Variants in EIF2AK3 observed in about 807,000 individuals in gnomAD.
EIF2AK3 encodes eukaryotic translation initiation factor 2 alpha kinase 3.
EIF2AK3 carries 50 observed loss-of-function variants against 113.5 expected under a neutral mutation model. The observed-to-expected ratio is 0.44, with a 90% confidence interval of 0.35 to 0.56. The LOEUF (loss-of-function observed/expected upper bound fraction) is 0.56. EIF2AK3 is among the 20% of genes least tolerant of loss of function. The pLI is 0.00. For synonymous variants in EIF2AK3, 448 were observed against 495.4 expected (o/e 0.90, Z 1.27); for missense variants, 1,185 against 1,378.0 (o/e 0.86, Z 2.22).
At position 88,613,817 on chromosome 2, in the gene EIF2AK3, A is replaced by G; in HGVS notation, c.345T>C (p.Ile115=). 6.2e-7 allele frequency: 1 copy of G among 1,613,826 alleles called. No individual in the cohort carries two copies. Among genetic ancestry groups the G allele is most frequent in the Non-Finnish European group, 8.5e-7 (1 of 1,179,682 alleles). Residue 115 remains isoleucine, a synonymous_variant, in exon 2 of 17, where the codon ATT becomes ATC. Transcript: ENST00000303236. ...LVIISTLDGR[I]AALDPENHGK... The stretch of plus-strand genomic sequence containing the variant: ...CATGATTTTCAGGATCCAAGGCAGC[A>G]ATTCTCCCATCTAAAGTGCTGATAA...
At chr2:88,561,856 C>T (rs1330380332) in intron 15 of EIF2AK3, among the ~76,000 whole-genome samples, 4 of 151,306 alleles carry the variant, frequency 2.6e-5, no homozygotes, top group Admixed American at 2.6e-4. Context: ...AAGACCTTGC[C>T]TTGAGAAAAA....
chr2:88,607,315 A>G (rs1675300977), intron 2 of EIF2AK3, among the ~76,000 whole-genome samples: 1 of 152,354 alleles, frequency 6.6e-6, no homozygotes, highest in East Asian at 1.9e-4. Context: ...TTACTAGAGG[A>G]AAGCAAATCA....
chr2:88,559,536 G>GTT (rs1673881752), intron 15 of EIF2AK3, among the ~76,000 whole-genome samples: 1 of 151,430 alleles, frequency 6.6e-6, no homozygotes, highest in Non-Finnish European at 1.5e-5. Context: ...GTGTGTGTGT[G>GTT]TGTGTGTATG....
intron 2 of EIF2AK3, among the ~76,000 whole-genome samples, chr2:88,605,894 A>C (rs1675259574): frequency 6.6e-6 from 1 of 152,176 alleles, no homozygotes. Context: ...ATCATACCTG[A>C]AAGACAAGGG....
At chr2:88,612,604 G>T (rs1675483398) in intron 2 of EIF2AK3, among the ~76,000 whole-genome samples, 1 of 152,162 alleles carries the variant, frequency 6.6e-6, no homozygotes, top group Non-Finnish European at 1.5e-5. Flanking sequence ...TGGAAATTTG[G>T]CAGTGTTGTT....
Position 88,590,860 on chromosome 2 carries a change from C to T in EIF2AK3, c.960G>A (p.Met320Ile). The T allele has an allele frequency of 6.2e-7, 1 of 1,614,060 alleles. No individual in the cohort carries two copies. Among genetic ancestry groups the T allele is most frequent in the Non-Finnish European group, 8.5e-7 (1 of 1,179,992 alleles). Residue 320 changes from methionine to isoleucine, a missense_variant, in exon 5 of 17, where the codon ATG becomes ATA. By Grantham distance (10) the Met-to-Ile change is conservative. This residue lies in a region of EIF2AK3 where 877 missense variants were observed against 1,024.2 expected (regional missense o/e 0.86). Coordinates refer to ENST00000303236, the MANE Select transcript of EIF2AK3 (RefSeq NM_004836.7). ...IKVSVADWKV[M>I]AFSKKGGHLE... ...GATGTCCTCCCTTCTTACTGAATGC[C>T]ATAACTTTCCAGTCAGCAACCGAAA... is the stretch of plus-strand genomic sequence containing the variant.
Position 88,571,971 on chromosome 2 carries a change from G to A in EIF2AK3, c.2818-930C>T, listed in dbSNP as rs761538327. Among the ~76,000 whole-genome samples the A allele has an allele frequency of 4.6e-5, 7 of 152,160 alleles. No individual in the cohort carries two copies. In the Middle Eastern group the frequency reaches 0.021, roughly 447 times the overall value. On this transcript the variant is annotated intron_variant, in intron 13 of 16. Coordinates refer to ENST00000303236, the MANE Select transcript of EIF2AK3 (RefSeq NM_004836.7). The stretch of plus-strand genomic sequence containing the variant: ...TCCCTCAGAGTCTACTCTACTCTGC[G>A]GGTAATATGACCACCATTCATAGCC...
intron 9 of EIF2AK3, among the ~76,000 whole-genome samples, chr2:88,585,489 G>C (rs1189868063): frequency 6.6e-6 from 1 of 152,078 alleles, no homozygotes; most frequent in Non-Finnish European, 1.5e-5. Context: ...GAGTTTGTGG[G>C]ATGAACAGTG....
At chr2:88,558,315 A>T (rs1480153749) in intron 16 of EIF2AK3, among the ~76,000 whole-genome samples, 1 of 152,232 alleles carries the variant, frequency 6.6e-6, no homozygotes, top group Non-Finnish European at 1.5e-5. Context: ...TATGATTTTT[A>T]AAAATCATCT....
chr2:88,563,124 A>C (rs1259878950), intron 14 of EIF2AK3, among the ~76,000 whole-genome samples: 1 of 152,216 alleles, frequency 6.6e-6, no homozygotes, highest in South Asian at 2.1e-4. Flanking sequence ...ATTTGTGAAA[A>C]TTTCTTTAGA....
At position 88,595,520 on chromosome 2, in the gene EIF2AK3, C is replaced by T. The variant is rs768552211; in HGVS notation, c.582G>A (p.Leu194=). ...ATGTAGTCAGAGATTTTCCTCCAAC[C>T]AAAACAACATCATCTCCAAATTTAT... ...SSYKFGDDVV[L]VGGKSLTTYG... The change falls in exon 3 of 17, where the codon TTG becomes TTA. Residue 194 remains leucine, a synonymous_variant. Transcript: ENST00000303236. The T allele has an allele frequency of 1.9e-6, 3 of 1,613,872 alleles. No individual in the cohort carries two copies. Among genetic ancestry groups the T allele is most frequent in the Non-Finnish European group, 2.5e-6 (3 of 1,180,002 alleles).
intron 2 of EIF2AK3, among the ~76,000 whole-genome samples, chr2:88,605,062 C>T (rs1013873112): frequency 2.0e-5 from 3 of 151,976 alleles, no homozygotes; most frequent in African/African-American, 7.3e-5. Flanking sequence ...ATGTAAATGA[C>T]TAAGAATAGA....
At chr2:88,626,922 C>T in intron 1 of EIF2AK3, 45 bp downstream of exon 1, 1 of 1,601,504 alleles carries the variant, frequency 6.2e-7, no homozygotes, top group Non-Finnish European at 8.5e-7. Context: ...CTCCGCGGCT[C>T]GCGCGCGTAA....
At chr2:88,599,700 G>C (rs1201760713) in intron 2 of EIF2AK3, among the ~76,000 whole-genome samples, 2 of 152,116 alleles carry the variant, frequency 1.3e-5, no homozygotes, top group African/African-American at 2.4e-5. Context: ...AGTTAAGTGT[G>C]TCTGCAGTAA....
Position 88,593,147 on chromosome 2 carries a change from A to T in EIF2AK3, c.767+125T>A, listed in dbSNP as rs532581251. 522 of 1,110,278 alleles carry T rather than the reference A, an allele frequency of 4.7e-4. 2 individuals are homozygous for T. The highest frequency in any genetic ancestry group is 3.7e-3 in the South Asian group (245 of 65,384). 68.8% of individuals were successfully genotyped at this position (1,110,278 alleles called of 1,614,324 possible). Reference sequence around the variant, plus strand: ...ACAGAGCAAGACTCCGTATCAAAAAAATATATATATATATGCTTTTAAGGC... The same window carrying T: ...ACAGAGCAAGACTCCGTATCAAAAATATATATATATATATGCTTTTAAGGC... On this transcript the variant is annotated intron_variant, in intron 4 of 16. Coordinates refer to ENST00000303236, the MANE Select transcript of EIF2AK3 (RefSeq NM_004836.7).
In EIF2AK3 at chr2:88,557,384, C is replaced by T. The variant is rs1195471093; in HGVS notation, c.*352G>A. On this transcript the variant is annotated 3_prime_UTR_variant, in exon 17 of 17. Coordinates refer to ENST00000303236, the MANE Select transcript of EIF2AK3 (RefSeq NM_004836.7). ...ACAGTTACCACACAGGGGGACTTTC[C>T]TTCTTCTGCATTATAAAAATATATC... The T allele has an allele frequency of 1.2e-5, 3 of 243,558 alleles. No homozygotes were observed. In the East Asian group the frequency reaches 2.8e-4, roughly 23 times the overall value. The allele number at this position is 243,558 out of a possible 1,614,324, so 15.1% of individuals were successfully genotyped here.
intron 15 of EIF2AK3, among the ~76,000 whole-genome samples, chr2:88,559,335 T>C (rs1460201026): frequency 1.3e-5 from 2 of 152,230 alleles, no homozygotes; most frequent in African/African-American, 2.4e-5. Flanking sequence ...ATAATACTTA[T>C]TTACATAGAA....
At chr2:88,579,727 A>G (rs1460899696) in intron 10 of EIF2AK3, 87 bp from the exon 11 acceptor site, 1 of 1,242,290 alleles carries the variant, frequency 8.0e-7, no homozygotes, top group Non-Finnish European at 1.1e-6. Flanking sequence ...TATGACACAT[A>G]AAAATGTATA....
intron 1 of EIF2AK3, among the ~76,000 whole-genome samples, chr2:88,625,314 C>A (rs1431130117): frequency 6.8e-6 from 1 of 147,460 alleles, no homozygotes; most frequent in Non-Finnish European, 1.5e-5. Context: ...CACACACACA[C>A]ACACACACAC....
Sources: gnomAD v4.1 joint callset for allele counts (sites outside exome capture counted in the v4.1 genomes callset) on GRCh38, gnomAD v4.1.1 for gene constraint, gnomAD v4.1.1 regional missense constraint, MANE v1.5 for transcripts, NCBI Gene and HGNC (gene_info 2026-07-23, HGNC 2026-07-21) for gene names.